The following AR variants were observed in gnomAD, a reference collection of about 807,000 sequenced individuals.
AR encodes androgen receptor.
A neutral mutation model predicts 53.9 loss-of-function variants in AR; 8 were observed. The ratio of observed to expected loss-of-function variants is 0.15; its 90% CI spans 0.09 to 0.27. The LOEUF is 0.27. AR is among the 10% of genes least tolerant of loss of function. The probability of loss-of-function intolerance (pLI) is 1.00; values close to 1 mark genes in which losing one functional copy is unlikely to be tolerated. For missense variants in AR, 639 were observed against 742.5 expected (o/e 0.86, Z 1.62); for synonymous variants, 359 against 316.4 (o/e 1.13, Z -1.43).
At chrX:67,552,609 A>G (rs1046533886) in intron 1 of AR, among the ~76,000 whole-genome samples, 10 of 112,409 alleles carry the variant, frequency 8.9e-5, no homozygotes, top group African/African-American at 3.2e-4. Flanking sequence ...CCTTTTGAAG[A>G]ACTGTCAAAC....
intron 1 of AR, chrX:67,568,764 C>T (rs1694147885): frequency 9.0e-6 from 9 of 995,716 alleles, no homozygotes; most frequent in Non-Finnish European, 1.2e-5. Context: ...CGCCGTCCCT[C>T]CTCTTCCCAA....
At chrX:67,637,249 C>T (rs1270091207) in intron 1 of AR, among the ~76,000 whole-genome samples, 2 of 107,018 alleles carry the variant, frequency 1.9e-5, no homozygotes, top group Non-Finnish European at 3.9e-5. Context: ...CATATGTATA[C>T]ATGTGCCATG....
At chrX:67,601,507 A>G (rs1776820960) in intron 1 of AR, among the ~76,000 whole-genome samples, 1 of 111,879 alleles carries the variant, frequency 8.9e-6, no homozygotes, top group Non-Finnish European at 1.9e-5. Context: ...ATCCCCTTGC[A>G]GTAGGAAATG....
At chrX:67,656,754 G>A (rs755526644) in intron 2 of AR, among the ~76,000 whole-genome samples, 1 of 110,571 alleles carries the variant, frequency 9.0e-6, no homozygotes, top group African/African-American at 3.3e-5. Context: ...GTGCTGGATG[G>A]CAGGGAGAGA....
At position 67,726,666 on chromosome X, in the gene AR, C is replaced by T. The variant is rs961231820; in HGVS notation, c.*2825C>T. ...ACACAAGCCTTTAGGCCTACTCTTT[C>T]TGTGCTTGGGTTTGAGTGAACAAAG... On this transcript the variant is annotated 3_prime_UTR_variant, in exon 8 of 8. Coordinates refer to ENST00000374690, the MANE Select transcript of AR (RefSeq NM_000044.6). 3 of 174,839 alleles carry T rather than the reference C, an allele frequency of 1.7e-5. No homozygotes were observed. The highest frequency in any genetic ancestry group is 8.8e-5 in the African/African-American group (3 of 34,111). 14.4% of individuals were successfully genotyped at this position (174,839 alleles called of 1,213,427 possible). A position where few individuals can be genotyped will look rare whatever the true frequency, so the allele number is the denominator to read the frequency against.
intron 1 of AR, among the ~76,000 whole-genome samples, chrX:67,641,324 G>A (rs925026613): frequency 8.9e-6 from 1 of 111,876 alleles, no homozygotes; most frequent in East Asian, 2.8e-4. Flanking sequence ...TGTATGAAAT[G>A]GCCTGGCATA....
intron 1 of AR, among the ~76,000 whole-genome samples, chrX:67,627,851 A>G (rs1924780884): frequency 8.9e-6 from 1 of 112,002 alleles, no homozygotes; most frequent in Non-Finnish European, 1.9e-5. Flanking sequence ...AGCTTTCTAC[A>G]TATGGCTAGC....
At chrX:67,705,335 G>C (rs997419230) in intron 3 of AR, among the ~76,000 whole-genome samples, 8 of 111,237 alleles carry the variant, frequency 7.2e-5, no homozygotes, top group Non-Finnish European at 1.3e-4. Context: ...GCAGTGGTTT[G>C]TAGTTCTCCT....
chrX:67,702,572 T>G (rs912828465), intron 3 of AR, among the ~76,000 whole-genome samples: 1 of 112,105 alleles, frequency 8.9e-6, no homozygotes, highest in Non-Finnish European at 1.9e-5. Context: ...AAATGATTGT[T>G]GGACAAAGTC....
chrX:67,632,174 G>T (rs1925177211), intron 1 of AR, among the ~76,000 whole-genome samples: 1 of 110,818 alleles, frequency 9.0e-6, no homozygotes, highest in African/African-American at 3.3e-5. Flanking sequence ...CACCCAGTTC[G>T]AGCTTCCCAG....
chrX:67,709,568 T>C (rs2076084788), intron 3 of AR, among the ~76,000 whole-genome samples: 2 of 112,262 alleles, frequency 1.8e-5, no homozygotes, highest in South Asian at 3.7e-4. Context: ...AAAGGGAATT[T>C]CCTGACCCTT....
rs774586601 is a variant in AR at position 67,632,475 on chromosome X, G to A, written c.1617-10781G>A. 1.1e-3 allele frequency among the ~76,000 whole-genome samples: 129 copies of A among 112,455 alleles called. 1 individual carries two copies. Among genetic ancestry groups the A allele is most frequent in the Admixed American group, 2.8e-3 (30 of 10,689 alleles). On this transcript the variant is annotated intron_variant, in intron 1 of 7. Transcript: ENST00000374690. Reference sequence around the variant, plus strand: ...TGACCCCTTGCGCTTCCCGAGTGAGGCAATGCCTCGCCCTGCTTCGGCTCA... The same window carrying A: ...TGACCCCTTGCGCTTCCCGAGTGAGACAATGCCTCGCCCTGCTTCGGCTCA...
Position 67,726,444 on chromosome X carries a change from G to A in AR, c.*2603G>A. The A allele has an allele frequency of 5.7e-6, 1 of 174,904 alleles. No homozygotes were observed. Among genetic ancestry groups the A allele is most frequent in the Non-Finnish European group, 1.1e-5 (1 of 91,261 alleles). 14.4% of individuals were successfully genotyped at this position (174,904 alleles called of 1,213,427 possible). On this transcript the variant is annotated 3_prime_UTR_variant, in exon 8 of 8. Coordinates refer to ENST00000374690, the MANE Select transcript of AR (RefSeq NM_000044.6). ...TTATATCATTTTCATATCTCTCCTT[G>A]TAAATACTAGAAGCTCTCCTTTACA...
At chrX:67,658,538 C>T (rs1309386655) in intron 2 of AR, among the ~76,000 whole-genome samples, 1 of 111,910 alleles carries the variant, frequency 8.9e-6, no homozygotes, top group Non-Finnish European at 1.9e-5. Context: ...TAGCGTACTA[C>T]ACCCTCAAAC....
At position 67,546,405 on chromosome X, in the gene AR, C is replaced by G; in HGVS notation, c.1259C>G (p.Ala420Gly). The change falls in exon 1 of 8, where the codon GCG (alanine) becomes GGG (glycine). Residue 420 changes from alanine (A) to glycine (G), a missense_variant. Ala to Gly is a moderately conservative substitution (Grantham distance 60). This residue lies in a region of AR where 423 missense variants were observed against 377.0 expected (regional missense o/e 1.12). Transcript: ENST00000374690. ...DLASLHGAGA[A>G]GPGSGSPSAA... ...GCGAGCCTGCATGGCGCGGGTGCAG[C>G]GGGACCCGGTTCTGGGTCACCCTCA... 1 of 1,184,791 alleles carries G rather than the reference C, an allele frequency of 8.4e-7. No individual in the cohort carries two copies. The highest frequency in any genetic ancestry group is 1.1e-6 in the Non-Finnish European group (1 of 882,730).
chrX:67,559,344 G>T (rs140742741), intron 1 of AR, among the ~76,000 whole-genome samples: 6 of 112,169 alleles, frequency 5.3e-5, no homozygotes, highest in African/African-American at 1.9e-4. Flanking sequence ...ATTGGACAGA[G>T]AATTGGGAGA....
intron 1 of AR, among the ~76,000 whole-genome samples, chrX:67,637,530 G>A (rs1925503053): frequency 9.2e-6 from 1 of 108,485 alleles, no homozygotes; most frequent in Admixed American, 9.9e-5. Flanking sequence ...TGGCTGCATA[G>A]TATTCCACGG....
chrX:67,715,608 A>G (rs1208559296), intron 4 of AR, among the ~76,000 whole-genome samples: 2 of 112,029 alleles, frequency 1.8e-5, no homozygotes, highest in Non-Finnish European at 3.8e-5. Flanking sequence ...TTAGTGGAGT[A>G]GAAAAAACAC....
intron 3 of AR, among the ~76,000 whole-genome samples, chrX:67,708,020 T>A (rs186540083): frequency 5.3e-5 from 6 of 112,422 alleles, no homozygotes; most frequent in Non-Finnish European, 1.1e-4. Context: ...CCACTGTTAG[T>A]CTGATGGCTT....
Sources: gnomAD v4.1 joint callset for allele counts (sites outside exome capture counted in the v4.1 genomes callset) on GRCh38, gnomAD v4.1.1 for gene constraint, gnomAD v4.1.1 regional missense constraint, MANE v1.5 for transcripts, NCBI Gene and HGNC (gene_info 2026-07-23, HGNC 2026-07-21) for gene names.